The following TRPM6 variants were observed in gnomAD, a reference collection of about 807,000 sequenced individuals.
The protein encoded by TRPM6 is channel kinase 2.
In TRPM6, 111 loss-of-function variants were observed where a neutral mutation model predicts 247.6. The observed-to-expected ratio is 0.45, with a 90% CI of 0.38 to 0.52. TRPM6 has a LOEUF of 0.52. TRPM6 is among the 20% of genes least tolerant of loss of function. The pLI is 0.00. For synonymous variants in TRPM6, 892 were observed against 853.8 expected (o/e 1.04, Z -0.78); for missense variants, 2,126 against 2,421.5 (o/e 0.88, Z 2.56).
At chr9:74,740,126 G>T (rs1825816936) in intron 33 of TRPM6, 117 bp from the exon 34 acceptor site, 1 of 1,118,264 alleles carries the variant, frequency 8.9e-7, no homozygotes, top group Non-Finnish European at 1.3e-6. Flanking sequence ...GAGGAGAATG[G>T]GACTAGCAGG....
At chr9:74,858,389 A>AAAAAACAAAAAAACAAAAAAAC (rs55660256) in intron 2 of TRPM6, among the ~76,000 whole-genome samples, 7 of 151,932 alleles carry the variant, frequency 4.6e-5, no homozygotes, top group Non-Finnish European at 7.4e-5. Context: ...CTTCGTCTCA[A>AAAAAACAAAAAAACAAAAAAAC]AAAAACAAAA....
At position 74,762,776 on chromosome 9, in the gene TRPM6, C is replaced by T. The variant is rs776322284; in HGVS notation, c.3895G>A (p.Ala1299Thr). ...GRHPPRVQRG[A>T]LLEITNSKRE... is the part of the protein sequence containing the mutation. ...TTACTGTTTGTAATCTCAAGAAGTG[C>T]CCCCCTCTGCACTCTTGGGGGATGC... Residue 1299 changes from alanine (A) to threonine (T), a missense_variant, in exon 26 of 39, where the codon GCA (alanine) becomes ACA (threonine). Physicochemically the swap from Ala to Thr is moderately conservative, Grantham distance 58 (BLOSUM62 0). Around this residue, in one of 3 missense-constraint regions of TRPM6, gnomAD observed 717 missense variants for 715.9 expected, o/e 1.00. Coordinates refer to ENST00000360774, the MANE Select transcript of TRPM6 (RefSeq NM_017662.5). The T allele has an allele frequency of 5.0e-6, 8 of 1,613,906 alleles. No homozygotes were observed. The highest frequency in any genetic ancestry group is 1.3e-5 in the African/African-American group (1 of 74,910).
At position 74,858,058 on chromosome 9, in the gene TRPM6, G is replaced by A. The variant is rs1830581494; in HGVS notation, c.113+611C>T. 5.9e-5 allele frequency among the ~76,000 whole-genome samples: 9 copies of A among 152,214 alleles called. 1 individual carries two copies. In the South Asian group the frequency reaches 1.9e-3, roughly 32 times the overall value. ...AATCCACGACAATATTAACAGTGACGGCATTAAGAATAACTTCTTTGTACT... is the reference window on the plus strand; with the variant it reads ...AATCCACGACAATATTAACAGTGACAGCATTAAGAATAACTTCTTTGTACT... On this transcript the variant is annotated intron_variant, in intron 2 of 38. Coordinates refer to ENST00000360774, the MANE Select transcript of TRPM6 (RefSeq NM_017662.5).
At chr9:74,840,318 G>A in intron 4 of TRPM6, 81 bp from the exon 5 acceptor site, 4 of 1,039,386 alleles carry the variant, frequency 3.8e-6, no homozygotes, top group Non-Finnish European at 4.4e-6. Context: ...ACACAGCAGG[G>A]CAACTGAAAT....
intron 19 of TRPM6, among the ~76,000 whole-genome samples, chr9:74,789,048 G>A (rs2118957141): frequency 6.6e-6 from 1 of 152,252 alleles, no homozygotes. Context: ...CAGGGGCACT[G>A]GCAAGCTAAC....
chr9:74,805,047 A>G (rs1351533813), intron 14 of TRPM6, among the ~76,000 whole-genome samples: 2 of 152,224 alleles, frequency 1.3e-5, no homozygotes, highest in East Asian at 3.8e-4. Flanking sequence ...AGGTTAAATG[A>G]TCATTGCAAC....
chr9:74,818,293 C>CTT (rs1161401022), intron 9 of TRPM6, among the ~76,000 whole-genome samples: 8,519 of 72,024 alleles, frequency 0.12, 1,549 homozygotes, highest in Non-Finnish European at 0.15. Context: ...TCTATCATTT[C>CTT]TTTTTTTTTT....
At chr9:74,860,510 C>T (rs1328159325) in intron 1 of TRPM6, among the ~76,000 whole-genome samples, 2 of 152,086 alleles carry the variant, frequency 1.3e-5, no homozygotes, top group Non-Finnish European at 2.9e-5. Flanking sequence ...AGGCATGCAC[C>T]AGCATGCCTG....
At chr9:74,843,392 G>A in intron 3 of TRPM6, among the ~76,000 whole-genome samples, 1 of 152,056 alleles carries the variant, frequency 6.6e-6, no homozygotes, top group East Asian at 1.9e-4. Flanking sequence ...AATCACGAAT[G>A]TTCTTAATGG....
chr9:74,790,299 C>G (rs1164849265), intron 19 of TRPM6, among the ~76,000 whole-genome samples: 1 of 152,070 alleles, frequency 6.6e-6, no homozygotes, highest in Non-Finnish European at 1.5e-5. Flanking sequence ...TTCAATAATT[C>G]TATACTTCTC....
chr9:74,761,008 T>C (rs1165053307), intron 27 of TRPM6, among the ~76,000 whole-genome samples: 3 of 152,142 alleles, frequency 2.0e-5, no homozygotes, highest in Admixed American at 6.5e-5. Context: ...CCAGATATGT[T>C]CCCTCCACCC....
At chr9:74,839,882 GA>G in intron 5 of TRPM6, 141 bp downstream of exon 5, 1 of 565,926 alleles carries the variant, frequency 1.8e-6, no homozygotes, top group Non-Finnish European at 3.1e-6. Context: ...AGGAAGGAAG[GA>G]AGGAAGGAAG....
chr9:74,811,271 A>G (rs1269206715), intron 12 of TRPM6, among the ~76,000 whole-genome samples: 3 of 152,222 alleles, frequency 2.0e-5, no homozygotes, highest in Admixed American at 2.0e-4. Flanking sequence ...GAGTGTTTAT[A>G]ATAATAGAAA....
intron 16 of TRPM6, among the ~76,000 whole-genome samples, chr9:74,801,188 T>C (rs1828319146): frequency 6.7e-6 from 1 of 149,514 alleles, no homozygotes; most frequent in African/African-American, 2.5e-5. Flanking sequence ...TCCTCCCACC[T>C]TGGTGTCCCA....
chr9:74,804,513 A>T lies in TRPM6; in HGVS notation c.1639-627T>A, dbSNP rs550121415. 5.6e-6 allele frequency: 4 copies of T among 714,056 alleles called. No homozygotes were observed. The African/African-American group carries it at 6.9e-5, about 12-fold the overall frequency. 44.2% of individuals were successfully genotyped at this position (714,056 alleles called of 1,614,324 possible). A position where few individuals can be genotyped will look rare whatever the true frequency, so the allele number is the denominator to read the frequency against. On this transcript the variant is annotated intron_variant, in intron 14 of 38. Coordinates refer to ENST00000360774, the MANE Select transcript of TRPM6 (RefSeq NM_017662.5). Reference sequence around the variant, plus strand: ...CTATTTCTACAGAGATCCTGAAGAGATTGAAAAAGAAGAGCAGGCTGCTGC... The same window carrying T: ...CTATTTCTACAGAGATCCTGAAGAGTTTGAAAAAGAAGAGCAGGCTGCTGC...
rs563320108 is a variant in TRPM6 at position 74,773,096 on chromosome 9, C to T, written c.3404-1261G>A. Among the ~76,000 whole-genome samples the T allele has an allele frequency of 2.0e-5, 3 of 152,262 alleles. No individual in the cohort carries two copies. In the East Asian group the frequency reaches 5.8e-4, roughly 29 times the overall value. ...GAGCCGAGATCGCTCCACTGCACTCCAGCCTGGGCAACAGAGCGAGACTCC... is the reference window on the plus strand; with the variant it reads ...GAGCCGAGATCGCTCCACTGCACTCTAGCCTGGGCAACAGAGCGAGACTCC... On this transcript the variant is annotated intron_variant, in intron 24 of 38. Transcript: ENST00000360774.
chr9:74,810,844 A>G lies in TRPM6; in HGVS notation c.1468T>C (p.Leu490=), dbSNP rs372311001. 1.9e-6 allele frequency: 3 copies of G among 1,613,802 alleles called. No individual in the cohort carries two copies. The highest frequency in any genetic ancestry group is 2.5e-6 in the Non-Finnish European group (3 of 1,179,784). Residue 490 remains leucine (L), a synonymous_variant, in exon 13 of 39, where the codon TTG becomes CTG. Coordinates refer to ENST00000360774, the MANE Select transcript of TRPM6 (RefSeq NM_017662.5). ...NTKQGPTNTL[L]HHLVQDVKQH... ...TTCACATCTTGGACGAGATGATGCAAGAGTGTATTAGTAGGTCCTTGTTTC... is the reference window on the plus strand; with the variant it reads ...TTCACATCTTGGACGAGATGATGCAGGAGTGTATTAGTAGGTCCTTGTTTC...
At position 74,739,756 on chromosome 9, in the gene TRPM6, G is replaced by C; in HGVS notation, c.5454C>G (p.Phe1818Leu). 6.2e-7 allele frequency: 1 copy of C among 1,613,810 alleles called. No individual in the cohort carries two copies. The highest frequency in any genetic ancestry group is 1.1e-5 in the South Asian group (1 of 91,078). The change falls in exon 34 of 39, where the codon TTC becomes TTG. Residue 1818 changes from phenylalanine (F) to leucine (L), a missense_variant. Physicochemically the swap from Phe to Leu is conservative, Grantham distance 22 (BLOSUM62 0). This residue lies in a region of TRPM6 where 327 missense variants were observed against 397.7 expected (regional missense o/e 0.82). Coordinates refer to ENST00000360774, the MANE Select transcript of TRPM6 (RefSeq NM_017662.5). The stretch of plus-strand genomic sequence containing the variant: ...AAAGATGAAGCACAGTGCTCTCCTG[G>C]AAGATTTTATGCCATGTCCGCACAA... ...PEVVRTWHKI[F>L]QESTVLHLCL...
intron 15 of TRPM6, among the ~76,000 whole-genome samples, 199 bp downstream of exon 15, chr9:74,803,595 G>A (rs186205465): frequency 6.6e-6 from 1 of 152,260 alleles, no homozygotes; most frequent in African/African-American, 2.4e-5. Flanking sequence ...AGGCTAAAGT[G>A]CAAGTCCAGA....
Sources: gnomAD v4.1 joint callset for allele counts (sites outside exome capture counted in the v4.1 genomes callset) on GRCh38, gnomAD v4.1.1 for gene constraint, gnomAD v4.1.1 regional missense constraint, MANE v1.5 for transcripts, NCBI Gene and HGNC (gene_info 2026-07-23, HGNC 2026-07-21) for gene names.